MROH2B: variants seen among roughly 807,000 people sequenced by gnomAD.
MROH2B encodes the protein maestro heat-like repeat-containing protein family member 2B.
Under a neutral mutation model 208.6 loss-of-function variants are expected in MROH2B, and 177 were observed. The ratio of observed to expected loss-of-function variants is 0.85; its 90% confidence interval spans 0.75 to 0.96. MROH2B has a LOEUF of 0.96. Among genes scored for constraint, MROH2B ranks in the 40% least tolerant of loss-of-function variants. MROH2B has a pLI of 0.00. For missense variants in MROH2B, 2,002 were observed against 1,878.7 expected (o/e 1.07, Z -1.21); for synonymous variants, 728 against 659.0 (o/e 1.10, Z -1.60).
chr5:41,009,828 T>C (rs1052879518), intron 31 of MROH2B, 94 bp downstream of exon 31: 1 of 1,259,994 alleles, frequency 7.9e-7, no homozygotes, highest in Non-Finnish European at 1.1e-6. Flanking sequence ...TTTCAACCTT[T>C]GTTTGCTATC....
chr5:41,065,519 C>A (rs2150183274), intron 3 of MROH2B, 29 bp from the exon 4 acceptor site: 3 of 1,603,492 alleles, frequency 1.9e-6, no homozygotes, highest in Middle Eastern at 1.7e-4. Flanking sequence ...ATAACAATAA[C>A]AACTAGAAAA....
At chr5:41,056,772 A>AT (rs1743465567) in intron 9 of MROH2B, among the ~76,000 whole-genome samples, 1 of 107,072 alleles carries the variant, frequency 9.3e-6, no homozygotes, top group African/African-American at 3.6e-5. Flanking sequence ...AATCTCAAAT[A>AT]CCAAAAAAAA....
chr5:41,011,822 C>T (rs1472524193), intron 30 of MROH2B, among the ~76,000 whole-genome samples: 3 of 152,098 alleles, frequency 2.0e-5, no homozygotes, highest in African/African-American at 7.2e-5. Flanking sequence ...TGCTTGCCAC[C>T]ATGCGCAGCT....
intron 24 of MROH2B, among the ~76,000 whole-genome samples, chr5:41,032,254 T>C (rs774132421): frequency 6.6e-6 from 1 of 152,120 alleles, no homozygotes. Flanking sequence ...TTTTTAGTAA[T>C]AGCCATTCTG....
intron 2 of MROH2B, among the ~76,000 whole-genome samples, chr5:41,068,210 C>T (rs538824903): frequency 6.6e-6 from 1 of 152,344 alleles, no homozygotes; most frequent in South Asian, 2.1e-4. Flanking sequence ...TTGCATTACT[C>T]CTCAGGGCTG....
At chr5:41,025,645 A>C (rs1742327838) in intron 24 of MROH2B, among the ~76,000 whole-genome samples, 1 of 152,208 alleles carries the variant, frequency 6.6e-6, no homozygotes, top group South Asian at 2.1e-4. Flanking sequence ...AAACTATTCC[A>C]ATCAATAGAA....
Position 41,017,870 on chromosome 5 carries a change from AT to A in MROH2B, c.2863del (p.Ile955LeufsTer6). 6.3e-7 allele frequency: 1 copy of A among 1,595,524 alleles called. No individual in the cohort carries two copies. Among genetic ancestry groups the A allele is most frequent in the Non-Finnish European group, 8.5e-7 (1 of 1,170,724 alleles). On this transcript the variant is annotated frameshift_variant, in exon 28 of 42. Transcript: ENST00000399564. LOFTEE classifies it high-confidence loss of function. Reference sequence around the variant, plus strand: ...CTCACCTTTTATATAGAACAGACCAATAGTTGAGCTAGCAGCCGCCTGACGG... The same window carrying A: ...CTCACCTTTTATATAGAACAGACCAAAGTTGAGCTAGCAGCCGCCTGACGG... Reference protein sequence around the residue: ...TIRQAAASSTIGLFYIKGIHL... With the variant: ...TIRQAAASSTXGLFYIKGIHL...
intron 15 of MROH2B, 39 bp from the exon 16 acceptor site, chr5:41,048,504 G>C (rs1191372524): frequency 5.8e-6 from 9 of 1,550,274 alleles, no homozygotes; most frequent in Non-Finnish European, 7.8e-6. Context: ...AATTTCAGGG[G>C]CGTTTAAAAG....
In MROH2B at chr5:41,067,205, C is replaced by CTGTAAA; in HGVS notation, c.98_103dup (p.Ile33_Tyr34dup). The CTGTAAA allele has an allele frequency of 6.5e-7, 1 of 1,547,346 alleles. No individual in the cohort carries two copies. Among genetic ancestry groups the CTGTAAA allele is most frequent in the Non-Finnish European group, 8.8e-7 (1 of 1,142,362 alleles). On this transcript the variant is annotated inframe_insertion, in exon 3 of 42. Transcript: ENST00000399564. ...ATTCTGAATAACAGAAGTGAGATGA[C>CTGTAAA]TGTAAATGTCTTCCTGTGAATATAC... is the stretch of plus-strand genomic sequence containing the variant.
chr5:41,022,436 G>A (rs906949868), intron 24 of MROH2B, among the ~76,000 whole-genome samples: 4 of 152,216 alleles, frequency 2.6e-5, no homozygotes, highest in East Asian at 1.9e-4. Context: ...CCACACCCAC[G>A]GAGCCTTGCT....
chr5:41,029,530 C>A (rs1168446637), intron 24 of MROH2B, among the ~76,000 whole-genome samples: 2 of 152,018 alleles, frequency 1.3e-5, no homozygotes, highest in African/African-American at 4.8e-5. Flanking sequence ...GATGTGAGGA[C>A]AACCTTTACA....
chr5:41,000,606 T>C, intron 38 of MROH2B, 72 bp downstream of exon 38: 1 of 1,512,390 alleles, frequency 6.6e-7, no homozygotes. Flanking sequence ...CTGGTGCAGC[T>C]AGACCAGGCT....
At chr5:41,045,666 G>A (rs325860) in intron 18 of MROH2B, 80 bp downstream of exon 18, 884,125 of 1,018,890 alleles carry the variant, frequency 0.87, 385,271 homozygotes, top group Middle Eastern at 0.9. Flanking sequence ...CTTTGATTGT[G>A]ATACAGACAA....
At chr5:41,040,826 C>T (rs1248729678) in intron 19 of MROH2B, among the ~76,000 whole-genome samples, 2 of 151,950 alleles carry the variant, frequency 1.3e-5, no homozygotes, top group Non-Finnish European at 2.9e-5. Context: ...TCACCACACC[C>T]GACTAATTTT....
rs376945789 is a variant in MROH2B at position 41,009,337 on chromosome 5, T to C, written c.3363A>G (p.Leu1121=). Residue 1121 remains leucine (L), a synonymous_variant, in exon 32 of 42, where the codon TTA becomes TTG. Coordinates refer to ENST00000399564, the MANE Select transcript of MROH2B (RefSeq NM_173489.5). ...PASSGKLLQA[L]IDKLETELED... is the part of the protein sequence containing the mutation. ...CTAACTCAGTCTCCAGTTTGTCTAT[T>C]AAGGCTTGCAAGAGTTTCCCACTGG... 174 of 1,613,822 alleles carry C rather than the reference T, an allele frequency of 1.1e-4. 1 individual carries two copies. The highest frequency in any genetic ancestry group is 4.9e-4 in the Middle Eastern group (3 of 6,084).
chr5:41,053,509 C>T (rs1004316932), intron 11 of MROH2B, among the ~76,000 whole-genome samples: 1 of 152,072 alleles, frequency 6.6e-6, no homozygotes, highest in African/African-American at 2.4e-5. Context: ...AGGATAGAAA[C>T]ATGAGAACCA....
intron 21 of MROH2B, among the ~76,000 whole-genome samples, chr5:41,035,291 T>C (rs1470625672): frequency 6.6e-6 from 1 of 151,936 alleles, no homozygotes; most frequent in Non-Finnish European, 1.5e-5. Flanking sequence ...ATACAGCATA[T>C]GATCTTTGAC....
At chr5:41,021,736 G>T (rs1330725696) in intron 24 of MROH2B, among the ~76,000 whole-genome samples, 1 of 152,052 alleles carries the variant, frequency 6.6e-6, no homozygotes, top group Non-Finnish European at 1.5e-5. Context: ...AATGAGCTGG[G>T]CGTGGTGGTG....
chr5:41,066,750 G>A (rs1171093048), intron 3 of MROH2B, among the ~76,000 whole-genome samples: 4 of 152,100 alleles, frequency 2.6e-5, no homozygotes, highest in African/African-American at 9.7e-5. Context: ...GACAATCTAA[G>A]ATAGTAGGTA....
Sources: allele counts gnomAD v4.1 joint callset (sites outside exome capture counted in the v4.1 genomes callset), GRCh38; gene constraint gnomAD v4.1.1; transcripts MANE v1.5; gene names NCBI Gene and HGNC (gene_info 2026-07-23, HGNC 2026-07-21).